ELMO1: variants seen among roughly 807,000 people sequenced by gnomAD.
ELMO1 encodes engulfment and cell motility 1.
Under a neutral mutation model 98.9 loss-of-function variants are expected in ELMO1, and 26 were observed. The ratio of observed to expected loss-of-function variants is 0.26; its 90% CI spans 0.19 to 0.36. The LOEUF is 0.36. Among genes scored for constraint, ELMO1 ranks in the 10% least tolerant of loss-of-function variants. ELMO1 has a pLI of 1.00. For missense variants in ELMO1, 627 were observed against 935.2 expected, an observed-to-expected ratio of 0.67 and a Z score of 4.30; for synonymous variants, 346 against 346.0, an observed-to-expected ratio of 1.00 and a Z score of 0.00.
intron 1 of ELMO1, among the ~76,000 whole-genome samples, chr7:37,427,893 C>G (rs1480528732): frequency 6.6e-6 from 1 of 152,220 alleles, no homozygotes; most frequent in South Asian, 2.1e-4. Context: ...AGTCTGCCAG[C>G]TTGGAGGCTT....
At chr7:36,937,803 A>C (rs1051328288) in intron 16 of ELMO1, among the ~76,000 whole-genome samples, 1 of 152,220 alleles carries the variant, frequency 6.6e-6, no homozygotes. Context: ...AATAAAATTA[A>C]ATGCAACAGT....
chr7:36,857,005 G>C (rs189733931), intron 21 of ELMO1, among the ~76,000 whole-genome samples: 1 of 152,296 alleles, frequency 6.6e-6, no homozygotes, highest in African/African-American at 2.4e-5. Flanking sequence ...TATACTGCAA[G>C]CACTATATAA....
intron 7 of ELMO1, among the ~76,000 whole-genome samples, chr7:37,244,104 T>C (rs1478651449): frequency 6.6e-6 from 1 of 152,194 alleles, no homozygotes; most frequent in African/African-American, 2.4e-5. Context: ...GCAATCTTTC[T>C]GTGGTTACAG....
chr7:37,284,895 C>T (rs1453151260), intron 4 of ELMO1, among the ~76,000 whole-genome samples: 1 of 152,208 alleles, frequency 6.6e-6, no homozygotes. Flanking sequence ...TGTGACACTT[C>T]ACCAATAGAG....
chr7:37,320,732 T>C (rs1799442129), intron 2 of ELMO1, among the ~76,000 whole-genome samples: 1 of 152,208 alleles, frequency 6.6e-6, no homozygotes, highest in South Asian at 2.1e-4. Flanking sequence ...TACCACAGTA[T>C]GTAGGTGTGA....
intron 1 of ELMO1, among the ~76,000 whole-genome samples, chr7:37,345,889 TGA>T (rs35121657): frequency 0.2 from 29,662 of 149,958 alleles, 3,350 homozygotes; most frequent in East Asian, 0.45. Flanking sequence ...CTCGGGAGGC[TGA>T]GACAGGAAAA....
At chr7:36,970,147 C>T (rs1391607753) in intron 16 of ELMO1, among the ~76,000 whole-genome samples, 1 of 148,406 alleles carries the variant, frequency 6.7e-6, no homozygotes, top group African/African-American at 2.6e-5. Flanking sequence ...TAAACACACA[C>T]ACAAACACAC....
At chr7:37,297,914 A>T (rs547575981) in intron 4 of ELMO1, among the ~76,000 whole-genome samples, 1 of 152,336 alleles carries the variant, frequency 6.6e-6, no homozygotes, top group Admixed American at 6.5e-5. Context: ...CACTTGTAAA[A>T]CACAAATATA....
At chr7:37,285,588 CAT>C (rs1270173687) in intron 4 of ELMO1, among the ~76,000 whole-genome samples, 2 of 152,170 alleles carry the variant, frequency 1.3e-5, no homozygotes, top group East Asian at 3.8e-4. Context: ...TTGCACCAAA[CAT>C]ATAGAATATA....
intron 1 of ELMO1, among the ~76,000 whole-genome samples, chr7:37,350,962 A>T (rs145985962): frequency 2.0e-5 from 3 of 152,260 alleles, no homozygotes; most frequent in African/African-American, 7.2e-5. Flanking sequence ...TAGCCTCCGT[A>T]ACAGTGAGAA....
intron 2 of ELMO1, among the ~76,000 whole-genome samples, chr7:37,338,170 A>G (rs1800524167): frequency 1.3e-5 from 2 of 152,216 alleles, no homozygotes; most frequent in Admixed American, 1.3e-4. Flanking sequence ...CTCTTTTCAC[A>G]TGATTTCTTT....
intron 4 of ELMO1, among the ~76,000 whole-genome samples, chr7:37,292,731 G>A (rs1294352401): frequency 5.8e-5 from 5 of 86,216 alleles, no homozygotes; most frequent in African/African-American, 8.5e-5. Flanking sequence ...CGTCCGGGAG[G>A]GAGGTGGGGG....
intron 5 of ELMO1, among the ~76,000 whole-genome samples, chr7:37,262,206 A>C (rs925496771): frequency 6.6e-6 from 1 of 152,214 alleles, no homozygotes; most frequent in African/African-American, 2.4e-5. Flanking sequence ...GTGAGGAGAG[A>C]AACAACAGAA....
At chr7:37,179,386 T>C (rs187441192) in intron 13 of ELMO1, among the ~76,000 whole-genome samples, 11 of 151,376 alleles carry the variant, frequency 7.3e-5, no homozygotes, top group Middle Eastern at 3.4e-3. Context: ...CAAGTGATTC[T>C]CCCACCTCAG....
chr7:36,940,468 A>T (rs1018674988), intron 16 of ELMO1, among the ~76,000 whole-genome samples: 3 of 152,184 alleles, frequency 2.0e-5, no homozygotes, highest in Non-Finnish European at 2.9e-5. Flanking sequence ...TTAAGAGGGT[A>T]ATTTAGTGAT....
chr7:37,238,121 T>A (rs904699439), intron 7 of ELMO1, among the ~76,000 whole-genome samples: 20 of 152,210 alleles, frequency 1.3e-4, no homozygotes, highest in African/African-American at 4.8e-4. Context: ...TTTGGCTCTG[T>A]GTCCCTGCCA....
intron 16 of ELMO1, among the ~76,000 whole-genome samples, chr7:36,966,056 G>T (rs1158663762): frequency 6.6e-6 from 1 of 152,190 alleles, no homozygotes; most frequent in Non-Finnish European, 1.5e-5. Context: ...GCAATGGAAA[G>T]GAAAAGAGGA....
At chr7:37,371,948 T>C (rs1554301616) in intron 1 of ELMO1, among the ~76,000 whole-genome samples, 2 of 152,196 alleles carry the variant, frequency 1.3e-5, no homozygotes, top group Non-Finnish European at 2.9e-5. Context: ...GCAACTGAGA[T>C]GTAGACCAAG....
At chr7:37,028,036 C>A (rs77786110) in intron 15 of ELMO1, among the ~76,000 whole-genome samples, 1 of 146,444 alleles carries the variant, frequency 6.8e-6, no homozygotes, top group Non-Finnish European at 1.5e-5. Context: ...CGAGAACTGT[C>A]TTTTTTTTTT....
Sources: allele counts gnomAD v4.1 joint callset (sites outside exome capture counted in the v4.1 genomes callset), GRCh38; gene constraint gnomAD v4.1.1; transcripts MANE v1.5; gene names NCBI Gene and HGNC (gene_info 2026-07-23, HGNC 2026-07-21).